MAP4K5: variants seen among roughly 807,000 people sequenced by gnomAD.
MAP4K5 encodes MAPK/ERK kinase kinase kinase 5.
Under a neutral mutation model 135.6 loss-of-function variants are expected in MAP4K5, and 82 were observed. The observed-to-expected ratio is 0.60, with a 90% CI of 0.51 to 0.73. The LOEUF (loss-of-function observed/expected upper bound fraction) is 0.73. MAP4K5 is among the 30% of genes least tolerant of loss of function. The pLI is 0.00. For synonymous variants in MAP4K5, 347 were observed against 335.0 expected (o/e 1.04, Z -0.39); for missense variants, 907 against 1,010.9 (o/e 0.90, Z 1.39).
chr14:50,492,591 CAAAA>C (rs11312204), intron 3 of MAP4K5, among the ~76,000 whole-genome samples: 5 of 121,786 alleles, frequency 4.1e-5, no homozygotes, highest in Admixed American at 8.3e-5. Context: ...GACCCCATCT[CAAAA>C]AAAAAAAAAA....
At chr14:50,502,922 T>G (rs2037737610) in intron 3 of MAP4K5, among the ~76,000 whole-genome samples, 1 of 151,982 alleles carries the variant, frequency 6.6e-6, no homozygotes, top group South Asian at 2.1e-4. Flanking sequence ...TGCTCCTGAT[T>G]GAGCAAATAT....
intron 5 of MAP4K5, chr14:50,483,157 T>C (rs1032231765): frequency 4.6e-5 from 7 of 152,230 alleles, no homozygotes; most frequent in African/African-American, 1.2e-4. Context: ...TACTTTTTTA[T>C]AGATCAAGAT....
intron 3 of MAP4K5, among the ~76,000 whole-genome samples, chr14:50,495,591 T>C (rs1193068583): frequency 6.6e-6 from 1 of 152,188 alleles, no homozygotes; most frequent in Non-Finnish European, 1.5e-5. Flanking sequence ...AAATAGGATC[T>C]CAAAGAGAGA....
intron 3 of MAP4K5, among the ~76,000 whole-genome samples, chr14:50,503,512 CCTT>C (rs2037749289): frequency 1.3e-5 from 2 of 151,856 alleles, no homozygotes; most frequent in Admixed American, 6.6e-5. Context: ...TACTGAATTG[CCTT>C]CTTATGTTAG....
At chr14:50,438,286 C>G in intron 23 of MAP4K5, 192 bp from the exon 24 acceptor site, 1 of 346,758 alleles carries the variant, frequency 2.9e-6, no homozygotes, top group South Asian at 2.9e-5. Context: ...ATGATGCCAG[C>G]ACACAAAAAG....
At chr14:50,434,712 G>T (rs2036051096) in intron 27 of MAP4K5, 141 bp from the exon 28 acceptor site, 1 of 794,992 alleles carries the variant, frequency 1.3e-6, no homozygotes, top group Non-Finnish European at 2.0e-6. Flanking sequence ...ATGATAAGAA[G>T]GATGAATGTT....
intron 3 of MAP4K5, among the ~76,000 whole-genome samples, chr14:50,493,104 C>T (rs1200049483): frequency 6.6e-6 from 1 of 151,684 alleles, no homozygotes; most frequent in Non-Finnish European, 1.5e-5. Flanking sequence ...CCACTGTTAG[C>T]TTTCTGTTTG....
chr14:50,508,183 T>G (rs980729537), intron 2 of MAP4K5, among the ~76,000 whole-genome samples: 1 of 152,194 alleles, frequency 6.6e-6, no homozygotes, highest in African/African-American at 2.4e-5. Flanking sequence ...TGCTTTTTTT[T>G]GTTTTCCATT....
At chr14:50,433,825 T>G (rs1222452509) in intron 28 of MAP4K5, among the ~76,000 whole-genome samples, 2 of 152,180 alleles carry the variant, frequency 1.3e-5, no homozygotes, top group Non-Finnish European at 2.9e-5. Context: ...AGGCCCCACC[T>G]CACCCACTTC....
intron 30 of MAP4K5, among the ~76,000 whole-genome samples, chr14:50,426,702 C>T (rs963079396): frequency 2.0e-5 from 3 of 152,142 alleles, no homozygotes; most frequent in Non-Finnish European, 4.4e-5. Context: ...CCAGCTTGGG[C>T]GACAGAGCGA....
chr14:50,547,186 T>G (rs2038644584), intron 1 of MAP4K5, among the ~76,000 whole-genome samples: 2 of 152,242 alleles, frequency 1.3e-5, no homozygotes, highest in African/African-American at 4.8e-5. Flanking sequence ...TCAGTTCTCA[T>G]GAGTCATCCA....
At position 50,425,133 on chromosome 14, in the gene MAP4K5, A is replaced by G. The variant is rs373662214; in HGVS notation, c.2397+774T>C. On this transcript the variant is annotated intron_variant, in intron 31 of 32. Transcript: ENST00000682126. Reference sequence around the variant, plus strand: ...AGGCCATAGTTAGAAGAATCACACAAGTATTCACGTAAATGTGAAATGTCT... The same window carrying G: ...AGGCCATAGTTAGAAGAATCACACAGGTATTCACGTAAATGTGAAATGTCT... Among the ~76,000 whole-genome samples the G allele has an allele frequency of 8.7e-5, 11 of 126,784 alleles. No individual in the cohort carries two copies. The East Asian group carries it at 9.5e-4, about 11-fold the overall frequency. 83.2% of individuals were successfully genotyped at this position (126,784 alleles called of 152,430 possible).
Position 50,419,748 on chromosome 14 carries a change from T to A in MAP4K5, c.*271A>T, listed in dbSNP as rs978514533. 4.8e-5 allele frequency: 15 copies of A among 312,406 alleles called. No homozygotes were observed. The highest frequency in any genetic ancestry group is 1.7e-4 in the South Asian group (2 of 11,462). 19.4% of individuals were successfully genotyped at this position (312,406 alleles called of 1,614,324 possible). A position where few individuals can be genotyped will look rare whatever the true frequency, so the allele number is the denominator to read the frequency against. ...CCCTTGTTACAAACATTGTTTTTTT[T>A]AAAAAAAGACTGTGTTTCCTGGAAC... On this transcript the variant is annotated 3_prime_UTR_variant, in exon 33 of 33. Coordinates refer to ENST00000682126, the MANE Select transcript of MAP4K5 (RefSeq NM_006575.6).
chr14:50,426,061 T>G, intron 30 of MAP4K5, 84 bp from the exon 31 acceptor site: 1 of 859,590 alleles, frequency 1.2e-6, no homozygotes. Context: ...ATAAATAATA[T>G]AAGCCTATTC....
intron 32 of MAP4K5, among the ~76,000 whole-genome samples, chr14:50,422,066 A>G (rs1397393554): frequency 6.6e-6 from 1 of 151,652 alleles, no homozygotes; most frequent in Admixed American, 6.6e-5. Context: ...TACTTTTTCT[A>G]TTTTTAGTAG....
intron 3 of MAP4K5, among the ~76,000 whole-genome samples, chr14:50,490,609 C>T (rs1037658067): frequency 2.0e-5 from 3 of 152,170 alleles, no homozygotes; most frequent in African/African-American, 7.2e-5. Context: ...TTCTAAGCCA[C>T]CTTCTGCCTA....
intron 3 of MAP4K5, among the ~76,000 whole-genome samples, chr14:50,504,581 C>T (rs1418855372): frequency 6.6e-6 from 1 of 152,176 alleles, no homozygotes; most frequent in East Asian, 1.9e-4. Context: ...TTAACAGTGT[C>T]AATGTGTCTT....
chr14:50,472,728 T>A (rs960702582), intron 9 of MAP4K5: 3 of 152,192 alleles, frequency 2.0e-5, no homozygotes, highest in East Asian at 3.8e-4. Context: ...CATGTGCACA[T>A]TGGAGATGAA....
chr14:50,420,713 C>T (rs2035709855), intron 32 of MAP4K5, among the ~76,000 whole-genome samples: 1 of 152,110 alleles, frequency 6.6e-6, no homozygotes, highest in Admixed American at 6.6e-5. Flanking sequence ...ATTTCACTAA[C>T]AGGAAGAGGA....
Sources: allele counts gnomAD v4.1 joint callset (sites outside exome capture counted in the v4.1 genomes callset), GRCh38; gene constraint gnomAD v4.1.1; transcripts MANE v1.5; gene names NCBI Gene and HGNC (gene_info 2026-07-23, HGNC 2026-07-21).